The following TRIQK variants were observed in gnomAD, a reference collection of about 807,000 sequenced individuals.
TRIQK encodes the protein triple QxxK/R motif-containing protein.
In TRIQK, 10 loss-of-function variants were observed where a neutral mutation model predicts 10.8. The observed-to-expected ratio is 0.92, with a 90% CI of 0.57 to 1.57. The LOEUF (loss-of-function observed/expected upper bound fraction) is 1.57, where lower values mean the gene tolerates loss of function less well. Among genes scored for constraint, TRIQK ranks in the 40% most tolerant of loss-of-function variants. The pLI is 0.00. For synonymous variants in TRIQK, 33 were observed against 33.7 expected, an observed-to-expected ratio of 0.98 and a Z score of 0.07; for missense variants, 107 against 97.7, an observed-to-expected ratio of 1.09 and a Z score of -0.40.
intron 2 of TRIQK, among the ~76,000 whole-genome samples, chr8:92,931,874 G>A (rs1328601788): frequency 6.6e-6 from 1 of 152,118 alleles, no homozygotes; most frequent in East Asian, 1.9e-4. Context: ...CCCATAAGGT[G>A]TTGCGGTACC....
intron 3 of TRIQK, among the ~76,000 whole-genome samples, chr8:92,902,677 T>C (rs1190936455): frequency 2.0e-5 from 3 of 152,184 alleles, no homozygotes. Flanking sequence ...TAATTTCTTA[T>C]ATATAGCCTA....
At chr8:92,939,139 G>C (rs1458953650) in intron 2 of TRIQK, among the ~76,000 whole-genome samples, 1 of 152,186 alleles carries the variant, frequency 6.6e-6, no homozygotes, top group East Asian at 1.9e-4. Flanking sequence ...GAGAAAGAGA[G>C]TTAAAATCAG....
At chr8:92,944,472 C>A (rs376018259) in intron 2 of TRIQK, among the ~76,000 whole-genome samples, 1 of 151,784 alleles carries the variant, frequency 6.6e-6, no homozygotes, top group African/African-American at 2.4e-5. Flanking sequence ...TCTGTATAAA[C>A]GAATAAGTGG....
intron 1 of TRIQK, among the ~76,000 whole-genome samples, chr8:92,979,138 C>G (rs569336436): frequency 6.6e-6 from 1 of 152,098 alleles, no homozygotes; most frequent in Non-Finnish European, 1.5e-5. Context: ...CAGTTGGAAT[C>G]ATCTTTAAGC....
rs774730470 is a variant in TRIQK, at chr8:92,885,078, G to C, written c.*1544C>G. The C allele has an allele frequency of 2.2e-6, 1 of 445,578 alleles. No individual in the cohort carries two copies. The highest frequency in any genetic ancestry group is 4.6e-6 in the Non-Finnish European group (1 of 218,506). The allele number at this position is 445,578 out of a possible 1,614,324, so 27.6% of individuals were successfully genotyped here. ...TCTCTTGAGTCTGTGAGTTCAAAGG[G>C]AAGAATCTAGTAAATAACACCGGCT... On this transcript the variant is annotated 3_prime_UTR_variant, in exon 5 of 5. Coordinates refer to ENST00000521988, the MANE Select transcript of TRIQK (RefSeq NM_001171797.2).
chr8:92,969,584 A>G (rs1330094714), upstream of TRIQK, among the ~76,000 whole-genome samples: 1 of 148,454 alleles, frequency 6.7e-6, no homozygotes, highest in East Asian at 2.0e-4. Context: ...AAAACATTTT[A>G]TTTATTTATT....
At chr8:92,989,483 T>A (rs566137462) in intron 1 of TRIQK, among the ~76,000 whole-genome samples, 2 of 152,108 alleles carry the variant, frequency 1.3e-5, no homozygotes, top group Admixed American at 6.5e-5. Flanking sequence ...TAGATTTTCA[T>A]AGGAGCTCGA....
At chr8:92,910,201 C>A (rs1332410503) in intron 3 of TRIQK, among the ~76,000 whole-genome samples, 1 of 150,858 alleles carries the variant, frequency 6.6e-6, no homozygotes, top group Non-Finnish European at 1.5e-5. Flanking sequence ...CTAGTAAGTA[C>A]AATTAAAAAA....
At chr8:92,948,640 A>C (rs946215119) in intron 2 of TRIQK, among the ~76,000 whole-genome samples, 2 of 152,190 alleles carry the variant, frequency 1.3e-5, no homozygotes, top group African/African-American at 4.8e-5. Flanking sequence ...TTCCCTGAGC[A>C]AGAATGCAGG....
intron 2 of TRIQK, among the ~76,000 whole-genome samples, chr8:92,940,334 T>TGAA: frequency 7.7e-6 from 1 of 130,362 alleles, no homozygotes; most frequent in East Asian, 2.4e-4. Flanking sequence ...ATAGATTTAA[T>TGAA]AAAAAAAAAA....
intron 3 of TRIQK, among the ~76,000 whole-genome samples, chr8:92,906,014 A>G (rs542727988): frequency 6.6e-6 from 1 of 152,310 alleles, no homozygotes; most frequent in Non-Finnish European, 1.5e-5. Flanking sequence ...AAACATTTGT[A>G]CATAGATCTT....
intron 1 of TRIQK, among the ~76,000 whole-genome samples, chr8:93,002,860 C>T (rs1269128343): frequency 6.6e-6 from 1 of 150,946 alleles, no homozygotes; most frequent in Non-Finnish European, 1.5e-5. Context: ...GCAGAGGTTG[C>T]AGTGACCCGA....
chr8:92,902,368 G>A (rs1243979825), intron 3 of TRIQK, among the ~76,000 whole-genome samples: 1 of 152,164 alleles, frequency 6.6e-6, no homozygotes, highest in Admixed American at 6.6e-5. Flanking sequence ...GCAGCACTGA[G>A]TTCCAAGGCA....
intron 2 of TRIQK, among the ~76,000 whole-genome samples, chr8:92,944,356 G>T (rs1811415950): frequency 6.6e-6 from 1 of 151,278 alleles, no homozygotes; most frequent in Non-Finnish European, 1.5e-5. Context: ...CCTACTGTTG[G>T]ATATATATTC....
chr8:92,941,926 T>C (rs1434484729), intron 2 of TRIQK, among the ~76,000 whole-genome samples: 1 of 152,158 alleles, frequency 6.6e-6, no homozygotes, highest in East Asian at 1.9e-4. Flanking sequence ...CCAGCTTAAA[T>C]TAGTAATAGA....
chr8:92,959,366 A>T (rs1216712145), intron 1 of TRIQK, among the ~76,000 whole-genome samples: 4 of 151,994 alleles, frequency 2.6e-5, no homozygotes, highest in Non-Finnish European at 5.9e-5. Context: ...TATTGAATTA[A>T]TTGTGTAGTA....
intron 3 of TRIQK, among the ~76,000 whole-genome samples, chr8:92,908,645 T>C (rs1563623864): frequency 6.6e-6 from 1 of 152,096 alleles, no homozygotes; most frequent in Non-Finnish European, 1.5e-5. Context: ...AAATACCAAG[T>C]TCTATTCACT....
chr8:92,945,586 C>A (rs550589714), intron 2 of TRIQK, among the ~76,000 whole-genome samples: 102 of 152,286 alleles, frequency 6.7e-4, no homozygotes, highest in Middle Eastern at 6.8e-3. Context: ...CATGACTAAG[C>A]AACAGTCTGT....
chr8:92,985,360 C>A (rs573159840), intron 1 of TRIQK, among the ~76,000 whole-genome samples: 7 of 152,184 alleles, frequency 4.6e-5, no homozygotes, highest in Non-Finnish European at 1.0e-4. Flanking sequence ...CTCCTTTCCT[C>A]ATGAATTCCA....
Sources: allele counts gnomAD v4.1 joint callset (sites outside exome capture counted in the v4.1 genomes callset), GRCh38; gene constraint gnomAD v4.1.1; transcripts MANE v1.5; gene names NCBI Gene and HGNC (gene_info 2026-07-23, HGNC 2026-07-21).